RANBP2: variants seen among roughly 807,000 people sequenced by gnomAD.
The protein encoded by RANBP2 is E3 SUMO-protein ligase RanBP2.
Under a neutral mutation model 303.6 loss-of-function variants are expected in RANBP2, and 57 were observed. The observed-to-expected ratio is 0.19, with a 90% confidence interval of 0.15 to 0.23. The LOEUF is 0.23. Among genes scored for constraint, RANBP2 ranks in the 10% least tolerant of loss-of-function variants. The pLI is 1.00. For missense variants in RANBP2, 3,138 were observed against 3,780.8 expected (o/e 0.83, Z 4.46); for synonymous variants, 1,167 against 1,301.5 (o/e 0.90, Z 2.23).
At chr2:109,641,538 T>C in the RANBP2 span, among the ~76,000 whole-genome samples, 12 of 152,118 alleles carry the variant, frequency 7.9e-5, no homozygotes, top group Non-Finnish European at 1.6e-4. Flanking sequence ...GAGCCTACAG[T>C]AGTCAAATTC....
At chr2:109,521,170 A>T in the RANBP2 span, among the ~76,000 whole-genome samples, 1 of 151,098 alleles carries the variant, frequency 6.6e-6, no homozygotes, top group South Asian at 2.1e-4. Flanking sequence ...GTGAGCCAAG[A>T]TTGTGCCACT....
the RANBP2 span, among the ~76,000 whole-genome samples, chr2:109,053,935 G>T: frequency 2.2e-4 from 34 of 152,142 alleles, 1 homozygote; most frequent in Non-Finnish European, 4.0e-4. Flanking sequence ...GGCACCAGGG[G>T]CATTGTCTTT....
chr2:109,501,534 A>G, the RANBP2 span: 2 of 779,348 alleles, frequency 2.6e-6, no homozygotes, highest in Non-Finnish European at 4.8e-6. Context: ...CCCACCCCAG[A>G]GTGAGGCGGA....
chr2:109,278,863 G>T, the RANBP2 span, among the ~76,000 whole-genome samples: 1 of 152,306 alleles, frequency 6.6e-6, no homozygotes, highest in East Asian at 1.9e-4. Flanking sequence ...GTGTGGGGAC[G>T]TGCACTCTGC....
the RANBP2 span, chr2:108,897,281 G>A: frequency 6.7e-7 from 1 of 1,490,000 alleles, no homozygotes; most frequent in Middle Eastern, 1.7e-4. Context: ...GTCAATAGAA[G>A]GTCAACACTG....
At chr2:109,072,368 A>G in the RANBP2 span, among the ~76,000 whole-genome samples, 1 of 152,106 alleles carries the variant, frequency 6.6e-6, no homozygotes. Flanking sequence ...CAGAGGATGC[A>G]CTCACTCTCC....
the RANBP2 span, among the ~76,000 whole-genome samples, chr2:109,518,405 A>C: frequency 6.6e-6 from 1 of 152,188 alleles, no homozygotes; most frequent in Non-Finnish European, 1.5e-5. Flanking sequence ...GCAGGGGTTC[A>C]GAGAGGTTAG....
the RANBP2 span, among the ~76,000 whole-genome samples, chr2:109,693,564 C>A: frequency 6.6e-6 from 1 of 152,158 alleles, no homozygotes. Flanking sequence ...TAAGGGGTTT[C>A]CCCTTTCACT....
At chr2:109,653,267 C>A in the RANBP2 span, among the ~76,000 whole-genome samples, 1 of 151,886 alleles carries the variant, frequency 6.6e-6, no homozygotes, top group Non-Finnish European at 1.5e-5. Context: ...TGGTGGTGGG[C>A]ACCTGTAATC....
chr2:109,607,439 T>C, the RANBP2 span, among the ~76,000 whole-genome samples: 1 of 152,124 alleles, frequency 6.6e-6, no homozygotes, highest in South Asian at 2.1e-4. Context: ...AGTACCTGTA[T>C]TATCTCTCCC....
chr2:109,487,680 G>A, the RANBP2 span, among the ~76,000 whole-genome samples: 3 of 152,146 alleles, frequency 2.0e-5, no homozygotes, highest in South Asian at 2.1e-4. Context: ...GGGCCTCAGC[G>A]TCTCCAGCTC....
At chr2:109,354,906 G>A in the RANBP2 span, among the ~76,000 whole-genome samples, 1 of 152,264 alleles carries the variant, frequency 6.6e-6, no homozygotes, top group African/African-American at 2.4e-5. Flanking sequence ...CTTTGTGAAT[G>A]TAGTATTTAC....
chr2:108,764,561 A>G lies in RANBP2; in HGVS notation c.4022A>G (p.Asn1341Ser). ...NKDICKSDAG[N>S]LNFEFQVAKK... ...GATATTTGCAAATCTGATGCTGGAA[A>G]CCTGAATTTTGAATTTCAGGTTGCA... The change falls in exon 20 of 29, where the codon AAC becomes AGC. Residue 1341 changes from asparagine (N) to serine (S), a missense_variant. By Grantham distance (46) the Asn-to-Ser change is conservative. Transcript: ENST00000283195. The G allele has an allele frequency of 6.2e-7, 1 of 1,613,918 alleles. No individual in the cohort carries two copies.
At chr2:109,404,430 C>G in the RANBP2 span, among the ~76,000 whole-genome samples, 44 of 152,158 alleles carry the variant, frequency 2.9e-4, no homozygotes, top group Non-Finnish European at 5.3e-4. Context: ...GCTACAAGTT[C>G]GAGACTGGGA....
At position 108,766,669 on chromosome 2, in the gene RANBP2, A is replaced by G. The variant is rs1222770341; in HGVS notation, c.6130A>G (p.Arg2044Gly). The G allele has an allele frequency of 1.9e-6, 3 of 1,611,882 alleles. No homozygotes were observed. The highest frequency in any genetic ancestry group is 2.5e-6 in the Non-Finnish European group (3 of 1,179,850). ...GTATTCACAGCGGGTAAAACTATTTAGATTTGATGCTGAGGTAAGTCAGTG... is the reference window on the plus strand; with the variant it reads ...GTATTCACAGCGGGTAAAACTATTTGGATTTGATGCTGAGGTAAGTCAGTG... ...VLYSQRVKLF[R>G]FDAEVSQWKE... Residue 2044 changes from arginine to glycine, a missense_variant, in exon 20 of 29, where the codon AGA becomes GGA. Coordinates refer to ENST00000283195, the MANE Select transcript of RANBP2 (RefSeq NM_006267.5).
the RANBP2 span, among the ~76,000 whole-genome samples, chr2:109,388,485 C>T: frequency 1.3e-5 from 2 of 152,212 alleles, no homozygotes; most frequent in Non-Finnish European, 2.9e-5. Flanking sequence ...CCAGGCCCCC[C>T]AGGTACTCTC....
chr2:108,731,268 T>C, intron 3 of RANBP2, 54 bp from the exon 4 acceptor site: 1 of 1,585,844 alleles, frequency 6.3e-7, no homozygotes, highest in Non-Finnish European at 8.6e-7. Context: ...TATATACTCC[T>C]ACATACATAC....
chr2:108,872,201 T>A, the RANBP2 span, among the ~76,000 whole-genome samples: 13 of 152,184 alleles, frequency 8.5e-5, no homozygotes, highest in Non-Finnish European at 1.9e-4. Flanking sequence ...GAGAAGAGTC[T>A]GATCATTTTC....
At chr2:109,210,401 C>T in the RANBP2 span, among the ~76,000 whole-genome samples, 102 of 152,336 alleles carry the variant, frequency 6.7e-4, no homozygotes, top group African/African-American at 2.3e-3. Flanking sequence ...CGTGCTCCCT[C>T]GTTTTGTCTG....
Sources: allele counts gnomAD v4.1 joint callset (sites outside exome capture counted in the v4.1 genomes callset), GRCh38; gene constraint gnomAD v4.1.1; transcripts MANE v1.5; gene names NCBI Gene and HGNC (gene_info 2026-07-23, HGNC 2026-07-21).